The following FILIP1L variants were observed in gnomAD, a reference collection of about 807,000 sequenced individuals.
The protein encoded by FILIP1L is filamin A interacting protein 1 like, also known as filamin A-interacting protein 1-like.
A neutral mutation model predicts 96.6 loss-of-function variants in FILIP1L; 55 were observed. The ratio of observed to expected loss-of-function variants is 0.57; its 90% confidence interval spans 0.46 to 0.71. FILIP1L has a LOEUF of 0.71. Ranked by LOEUF, FILIP1L falls within the 30% of genes least tolerant of loss-of-function variation. FILIP1L has a pLI of 0.00. For synonymous variants in FILIP1L, 467 were observed against 473.9 expected (o/e 0.99, Z 0.19); for missense variants, 1,304 against 1,321.2 (o/e 0.99, Z 0.20).
chr3:99,976,444 C>T (rs939659636), intron 1 of FILIP1L, among the ~76,000 whole-genome samples: 2 of 151,942 alleles, frequency 1.3e-5, no homozygotes, highest in Non-Finnish European at 2.9e-5. Context: ...AAACAGTAAC[C>T]CCCCAAGAGA....
intron 1 of FILIP1L, among the ~76,000 whole-genome samples, chr3:99,991,698 T>A (rs1252407641): frequency 6.6e-6 from 1 of 151,968 alleles, no homozygotes; most frequent in African/African-American, 2.4e-5. Context: ...GGTGAGAACA[T>A]GCTGTATTTG....
At chr3:100,085,211 C>G (rs2065989234) in intron 1 of FILIP1L, among the ~76,000 whole-genome samples, 1 of 152,144 alleles carries the variant, frequency 6.6e-6, no homozygotes, top group Non-Finnish European at 1.5e-5. Flanking sequence ...ACCGTACAAC[C>G]AACCTGAAGT....
At chr3:100,074,345 A>G (rs1171743965) in intron 1 of FILIP1L, among the ~76,000 whole-genome samples, 2 of 152,178 alleles carry the variant, frequency 1.3e-5, no homozygotes, top group Non-Finnish European at 2.9e-5. Flanking sequence ...CAAGATGTCA[A>G]TGTTGTGGCT....
chr3:99,930,802 T>C lies in FILIP1L; in HGVS notation c.219A>G (p.Leu73=), dbSNP rs1244868475. The change falls in exon 2 of 6, where the codon TTA becomes TTG. Residue 73 remains leucine, a synonymous_variant. Coordinates refer to ENST00000477258, the MANE Select transcript of FILIP1L (RefSeq NM_001387850.1). ...CTCCCTCCAGAATGCTGAGGAGAAA[T>C]AACAGGTCATCTCTTGAGAGGTCTT... ...QAEDLSRDDL[L]FLLSILEGEL... 2.2e-5 allele frequency: 35 copies of C among 1,612,886 alleles called. No homozygotes were observed. Among genetic ancestry groups the C allele is most frequent in the African/African-American group, 2.7e-5 (2 of 74,574 alleles).
At chr3:99,994,271 G>A (rs1227763046) in intron 1 of FILIP1L, among the ~76,000 whole-genome samples, 7 of 152,144 alleles carry the variant, frequency 4.6e-5, no homozygotes, top group Admixed American at 1.3e-4. Context: ...GAGATAGATG[G>A]CAATACAATA....
At chr3:99,988,080 C>A (rs879333557) in intron 1 of FILIP1L, among the ~76,000 whole-genome samples, 1 of 152,142 alleles carries the variant, frequency 6.6e-6, no homozygotes, top group Admixed American at 6.5e-5. Context: ...ATACATACTT[C>A]TTAAGAATCT....
At chr3:100,113,533 A>G (rs571386095) in intron 1 of FILIP1L, among the ~76,000 whole-genome samples, 50 of 152,350 alleles carry the variant, frequency 3.3e-4, no homozygotes, top group African/African-American at 1.2e-3. Context: ...AAGAAAAAAG[A>G]TACAATATAG....
chr3:100,004,230 C>T (rs992208815), intron 1 of FILIP1L, among the ~76,000 whole-genome samples: 9 of 152,218 alleles, frequency 5.9e-5, no homozygotes, highest in East Asian at 1.9e-4. Flanking sequence ...ATGCAGCTTC[C>T]GTAGGATGAT....
chr3:99,924,898 A>G (rs1707242334), intron 3 of FILIP1L, among the ~76,000 whole-genome samples: 1 of 152,222 alleles, frequency 6.6e-6, no homozygotes, highest in African/African-American at 2.4e-5. Context: ...TTCAATACAA[A>G]TGTAGTCTCT....
At chr3:100,077,966 C>G (rs1024770694) in intron 1 of FILIP1L, among the ~76,000 whole-genome samples, 4 of 152,040 alleles carry the variant, frequency 2.6e-5, no homozygotes, top group African/African-American at 9.7e-5. Context: ...CCCAGTTTCA[C>G]TTACTCAGAC....
chr3:99,848,193 TG>T, intron 5 of FILIP1L, 101 bp downstream of exon 5: 1 of 1,559,264 alleles, frequency 6.4e-7, no homozygotes, highest in Non-Finnish European at 8.7e-7. Context: ...CAGTCAGTCT[TG>T]GGGGATATGG....
At chr3:99,953,901 C>T (rs376869680) in intron 1 of FILIP1L, among the ~76,000 whole-genome samples, 1 of 152,356 alleles carries the variant, frequency 6.6e-6, no homozygotes, top group Middle Eastern at 3.4e-3. Context: ...AGGCATACCT[C>T]CCACACTGAC....
chr3:99,888,784 T>G (rs1324232801), intron 4 of FILIP1L, among the ~76,000 whole-genome samples: 1 of 152,218 alleles, frequency 6.6e-6, no homozygotes, highest in Non-Finnish European at 1.5e-5. Context: ...TGATTCATTT[T>G]GATGTTTCAT....
At chr3:100,002,839 A>G (rs1559721391) in intron 1 of FILIP1L, among the ~76,000 whole-genome samples, 1 of 152,152 alleles carries the variant, frequency 6.6e-6, no homozygotes, top group African/African-American at 2.4e-5. Flanking sequence ...AGCATGATTT[A>G]AACAAAAGGA....
At chr3:100,082,988 A>G (rs1410736264) in intron 1 of FILIP1L, among the ~76,000 whole-genome samples, 1 of 152,214 alleles carries the variant, frequency 6.6e-6, no homozygotes, top group Non-Finnish European at 1.5e-5. Flanking sequence ...TTTAATGTTT[A>G]GAAAAATTCA....
chr3:99,945,883 T>TG (rs552848806), intron 1 of FILIP1L, among the ~76,000 whole-genome samples: 180 of 152,320 alleles, frequency 1.2e-3, no homozygotes, highest in African/African-American at 3.9e-3. Flanking sequence ...ACAGAGCCAG[T>TG]GGGAGAAGCC....
intron 4 of FILIP1L, among the ~76,000 whole-genome samples, chr3:99,853,981 A>G (rs1335120493): frequency 1.3e-5 from 2 of 152,210 alleles, no homozygotes; most frequent in Non-Finnish European, 2.9e-5. Flanking sequence ...TAATGCTGTT[A>G]CACATTGTGT....
chr3:99,828,916 T>TATCATCCCTCTCAATGCTGCCC lies in FILIP1L; in HGVS notation c.*1476_*1497dup, dbSNP rs879859859. Among the ~76,000 whole-genome samples the TATCATCCCTCTCAATGCTGCCC allele has an allele frequency of 4.1e-3, 627 of 151,286 alleles. 5 individuals carry two copies. The highest frequency in any genetic ancestry group is 0.014 in the African/African-American group (572 of 41,014). The stretch of plus-strand genomic sequence containing the variant: ...GCCCATCATCCCTCTCAATGCTGCC[T>TATCATCCCTCTCAATGCTGCCC]ATCATCCCTCTCAATGCTGCCCATC... On this transcript the variant is annotated 3_prime_UTR_variant, in exon 6 of 6. Transcript: ENST00000477258.
chr3:99,870,849 C>T (rs186971162), intron 4 of FILIP1L, among the ~76,000 whole-genome samples: 15 of 152,268 alleles, frequency 9.9e-5, no homozygotes, highest in Non-Finnish European at 1.8e-4. Context: ...ATTTGTGCCC[C>T]GTAAGTGCAT....
Sources: gnomAD v4.1 joint callset for allele counts (sites outside exome capture counted in the v4.1 genomes callset) on GRCh38, gnomAD v4.1.1 for gene constraint, MANE v1.5 for transcripts, NCBI Gene and HGNC (gene_info 2026-07-23, HGNC 2026-07-21) for gene names.